HTR2C: variants seen among roughly 807,000 people sequenced by gnomAD.
The protein encoded by HTR2C is 5-hydroxytryptamine (serotonin) receptor 2C, G protein-coupled.
Under a neutral mutation model 21.0 loss-of-function variants are expected in HTR2C, and 5 were observed. The ratio of observed to expected loss-of-function variants is 0.24; its 90% CI spans 0.12 to 0.50. The LOEUF (loss-of-function observed/expected upper bound fraction) is 0.50, where lower values mean the gene tolerates loss of function less well. Ranked by LOEUF, HTR2C falls within the 20% of genes least tolerant of loss-of-function variation. HTR2C has a pLI of 0.98. For synonymous variants in HTR2C, 150 were observed against 145.3 expected (o/e 1.03, Z -0.23); for missense variants, 271 against 371.2 (o/e 0.73, Z 2.22).
chrX:114,783,666 A>G (rs1556441078), intron 4 of HTR2C, among the ~76,000 whole-genome samples: 1 of 111,931 alleles, frequency 8.9e-6, no homozygotes, highest in African/African-American at 3.2e-5. Flanking sequence ...GAACATTGAC[A>G]AAAGTTGACT....
chrX:114,772,862 C>T (rs1199499249), intron 4 of HTR2C, among the ~76,000 whole-genome samples: 1 of 111,469 alleles, frequency 9.0e-6, no homozygotes, highest in Non-Finnish European at 1.9e-5. Context: ...AACTATTTCA[C>T]CATTCTGCAT....
intron 2 of HTR2C, among the ~76,000 whole-genome samples, chrX:114,628,548 C>T (rs950303684): frequency 1.8e-5 from 2 of 108,716 alleles, no homozygotes; most frequent in South Asian, 8.0e-4. Context: ...CGTGAGCCAC[C>T]GCGCCTGGCC....
chrX:114,692,567 A>G (rs1932138691), intron 2 of HTR2C, among the ~76,000 whole-genome samples: 2 of 110,870 alleles, frequency 1.8e-5, no homozygotes, highest in African/African-American at 6.5e-5. Flanking sequence ...GAATATATAT[A>G]TTCTTTACAT....
At chrX:114,683,556 G>C (rs782767153) in intron 2 of HTR2C, among the ~76,000 whole-genome samples, 1 of 110,799 alleles carries the variant, frequency 9.0e-6, no homozygotes, top group South Asian at 3.8e-4. Context: ...AGGCCAAGGC[G>C]GGCGGATCAC....
chrX:114,870,093 A>ATTTT (rs111579225), intron 5 of HTR2C, among the ~76,000 whole-genome samples: 11 of 99,152 alleles, frequency 1.1e-4, no homozygotes, highest in South Asian at 4.3e-4. Context: ...TATTATTATT[A>ATTTT]TTATTTTTTT....
intron 5 of HTR2C, among the ~76,000 whole-genome samples, chrX:114,854,047 A>T (rs1569499937): frequency 9.0e-6 from 1 of 111,673 alleles, no homozygotes; most frequent in Non-Finnish European, 1.9e-5. Flanking sequence ...CCTTATCAAC[A>T]TTTATAATGT....
At chrX:114,696,796 T>G (rs1569484772) in intron 2 of HTR2C, among the ~76,000 whole-genome samples, 1 of 110,791 alleles carries the variant, frequency 9.0e-6, no homozygotes, top group African/African-American at 3.3e-5. Flanking sequence ...TTTTTTCTAT[T>G]ATTAATTCTC....
At chrX:114,587,220 G>T (rs1927437497) in intron 1 of HTR2C, among the ~76,000 whole-genome samples, 1 of 111,663 alleles carries the variant, frequency 9.0e-6, no homozygotes, top group Non-Finnish European at 1.9e-5. Context: ...ATTGAAGGAG[G>T]TTGCAGTTTG....
chrX:114,638,868 T>C (rs1184143301), intron 2 of HTR2C, among the ~76,000 whole-genome samples: 2 of 108,752 alleles, frequency 1.8e-5, no homozygotes, highest in Non-Finnish European at 3.8e-5. Context: ...TCATTTTTTA[T>C]GGCTGCATAG....
At chrX:114,851,776 T>G (rs1450179241) in intron 5 of HTR2C, among the ~76,000 whole-genome samples, 1 of 111,583 alleles carries the variant, frequency 9.0e-6, no homozygotes, top group African/African-American at 3.3e-5. Flanking sequence ...CATGCCCCAG[T>G]TCCGAAATTA....
At chrX:114,713,162 C>A (rs1282973029) in intron 2 of HTR2C, among the ~76,000 whole-genome samples, 5 of 111,366 alleles carry the variant, frequency 4.5e-5, no homozygotes, top group African/African-American at 1.6e-4. Context: ...ACACCATCAT[C>A]CAGATTCAAT....
intron 2 of HTR2C, among the ~76,000 whole-genome samples, chrX:114,711,225 T>C (rs1932887407): frequency 9.0e-6 from 1 of 111,700 alleles, no homozygotes; most frequent in Non-Finnish European, 1.9e-5. Context: ...GAATCTTTCA[T>C]GATACAATAA....
At chrX:114,807,631 T>C (rs2070490674) in intron 4 of HTR2C, among the ~76,000 whole-genome samples, 1 of 107,501 alleles carries the variant, frequency 9.3e-6, no homozygotes, top group Non-Finnish European at 1.9e-5. Context: ...ATCCTTTCTT[T>C]GTGTTACAAA....
At chrX:114,680,216 A>G (rs1004556849) in intron 2 of HTR2C, among the ~76,000 whole-genome samples, 1 of 112,497 alleles carries the variant, frequency 8.9e-6, no homozygotes, top group Non-Finnish European at 1.9e-5. Context: ...GAAATTATGC[A>G]AAACATTAGT....
At chrX:114,697,708 G>C (rs930857805) in intron 2 of HTR2C, among the ~76,000 whole-genome samples, 13 of 112,312 alleles carry the variant, frequency 1.2e-4, no homozygotes, top group Non-Finnish European at 2.4e-4. Context: ...GGCTGAGACT[G>C]TACTTTTTGC....
chrX:114,881,062 G>A (rs2071177561), intron 5 of HTR2C, among the ~76,000 whole-genome samples: 1 of 110,823 alleles, frequency 9.0e-6, no homozygotes, highest in African/African-American at 3.3e-5. Flanking sequence ...CGTACTGTGT[G>A]TAAAGTGGTA....
At chrX:114,759,754 T>C (rs2069847807) in intron 4 of HTR2C, among the ~76,000 whole-genome samples, 1 of 111,273 alleles carries the variant, frequency 9.0e-6, no homozygotes, top group Admixed American at 9.6e-5. Flanking sequence ...GGAGCCATGC[T>C]CTCTGGTACC....
chrX:114,742,318 A>G (rs1395186228), intron 4 of HTR2C, among the ~76,000 whole-genome samples: 5 of 111,585 alleles, frequency 4.5e-5, no homozygotes, highest in African/African-American at 1.6e-4. Context: ...CAAGAAGCAT[A>G]GAAAAGCTTT....
At position 114,805,755 on chromosome X, in the gene HTR2C, A is replaced by G. The variant is rs1482175783; in HGVS notation, c.350-42248A>G. Among the ~76,000 whole-genome samples the G allele has an allele frequency of 3.4e-3, 261 of 77,812 alleles. 72 individuals carry two copies. The highest frequency in any genetic ancestry group is 0.012 in the African/African-American group (253 of 20,793). The allele number at this position is 77,812 out of a possible 115,157, so 67.6% of individuals were successfully genotyped here. On this transcript the variant is annotated intron_variant, in intron 4 of 5. Coordinates refer to ENST00000276198, the MANE Select transcript of HTR2C (RefSeq NM_000868.4). ...CCATATATACACCATATATACACCT[A>G]TATATACACCATATCTATACCATGT...
Sources: gnomAD v4.1 joint callset for allele counts (sites outside exome capture counted in the v4.1 genomes callset) on GRCh38, gnomAD v4.1.1 for gene constraint, MANE v1.5 for transcripts, NCBI Gene and HGNC (gene_info 2026-07-23, HGNC 2026-07-21) for gene names.